Variants in MCPH1 observed in about 807,000 individuals in gnomAD.
The protein encoded by MCPH1 is microcephalin.
A neutral mutation model predicts 84.5 loss-of-function variants in MCPH1; 104 were observed. That is an observed-to-expected ratio of 1.23 (90% confidence interval 1.05 to 1.45). The LOEUF is 1.45. Ranked by LOEUF, MCPH1 falls within the 40% of genes most tolerant of loss-of-function variation. The pLI, the probability that MCPH1 is intolerant of heterozygous loss-of-function variation, is 0.00. For synonymous variants in MCPH1, 514 were observed against 366.8 expected, an observed-to-expected ratio of 1.40 and a Z score of -4.58; for missense variants, 1,498 against 1,005.7, an observed-to-expected ratio of 1.49 and a Z score of -6.62.
chr8:6,520,582 G>C (rs1428887388), intron 12 of MCPH1, among the ~76,000 whole-genome samples: 1 of 152,100 alleles, frequency 6.6e-6, no homozygotes, highest in Non-Finnish European at 1.5e-5. Context: ...TTTTAGTAGA[G>C]ACAGGATTTC....
rs1798069895 is a variant in MCPH1 at position 6,643,608 on chromosome 8, A to G, written c.*559A>G. 1 of 157,436 alleles carries G rather than the reference A, an allele frequency of 6.4e-6. No homozygotes were observed. Among genetic ancestry groups the G allele is most frequent in the East Asian group, 1.9e-4 (1 of 5,342 alleles). 9.8% of individuals were successfully genotyped at this position (157,436 alleles called of 1,614,324 possible). On this transcript the variant is annotated 3_prime_UTR_variant, in exon 14 of 14. Coordinates refer to ENST00000344683, the MANE Select transcript of MCPH1 (RefSeq NM_024596.5). ...CATTAGAGCACAGTACTGCCAAATA[A>G]AGAATGGAAATTCAATGACATTGTT...
At chr8:6,413,704 G>A (rs1798848862) in intron 2 of MCPH1, among the ~76,000 whole-genome samples, 1 of 150,674 alleles carries the variant, frequency 6.6e-6, no homozygotes, top group Admixed American at 6.6e-5. Context: ...GAGCTCTTTA[G>A]GATCCTATTA....
rs919872109 is a variant in MCPH1, at chr8:6,641,084, C to G, written c.2453-1910C>G. Among the ~76,000 whole-genome samples, 4 of 152,238 alleles carry G rather than the reference C, an allele frequency of 2.6e-5. No individual in the cohort carries two copies. In the East Asian group the frequency reaches 7.7e-4, roughly 29 times the overall value. The stretch of plus-strand genomic sequence containing the variant: ...CATCATTTCTCTTTTTAAAAATCAT[C>G]TTCCTATGCATTTTTTTCTTTCCTA... On this transcript the variant is annotated intron_variant, in intron 13 of 13. Transcript: ENST00000344683.
At chr8:6,505,311 CATATATATGTTATATACATATAGAAAGA>C (rs1813218245) in intron 12 of MCPH1, among the ~76,000 whole-genome samples, 1 of 39,260 alleles carries the variant, frequency 2.5e-5, no homozygotes, top group African/African-American at 1.5e-4. Flanking sequence ...ATGTATATAA[CATATATATGTTATATACATATAGAAAGA>C]ATATATATAT....
intron 12 of MCPH1, chr8:6,617,118 A>G (rs928869635): frequency 2.0e-5 from 3 of 152,112 alleles, no homozygotes; most frequent in Admixed American, 2.0e-4. Context: ...TTTGTCCATT[A>G]GCAAGTTTAT....
intron 3 of MCPH1, among the ~76,000 whole-genome samples, chr8:6,429,150 A>T (rs1801478814): frequency 6.6e-6 from 1 of 152,216 alleles, no homozygotes; most frequent in Non-Finnish European, 1.5e-5. Flanking sequence ...TTACATCATT[A>T]TGAATGTGGA....
intron 13 of MCPH1, chr8:6,625,854 G>C: frequency 2.0e-6 from 2 of 985,292 alleles, no homozygotes; most frequent in Non-Finnish European, 2.4e-6. Context: ...GTCTTGTTTT[G>C]CAGATGTCGT....
At chr8:6,543,994 C>T (rs763488582) in intron 12 of MCPH1, among the ~76,000 whole-genome samples, 1 of 152,158 alleles carries the variant, frequency 6.6e-6, no homozygotes, top group Non-Finnish European at 1.5e-5. Context: ...GCATTTTAAC[C>T]TTGTTTTAGA....
At chr8:6,590,606 A>C (rs571086778) in intron 12 of MCPH1, among the ~76,000 whole-genome samples, 1 of 152,376 alleles carries the variant, frequency 6.6e-6, no homozygotes, top group African/African-American at 2.4e-5. Flanking sequence ...TGCTGGATAC[A>C]AATCTGCAAT....
intron 12 of MCPH1, chr8:6,562,861 C>T: frequency 3.7e-6 from 6 of 1,613,180 alleles, no homozygotes; most frequent in Non-Finnish European, 5.1e-6. Flanking sequence ...GCTGTCCATG[C>T]TCTTCCGAAA....
chr8:6,455,335 A>G, intron 9 of MCPH1, 83 bp downstream of exon 9: 4 of 980,044 alleles, frequency 4.1e-6, no homozygotes, highest in South Asian at 1.3e-5. Context: ...AACATAAACC[A>G]GTCTATCTGA....
chr8:6,616,049 C>A (rs191779308), intron 12 of MCPH1: 1 of 152,134 alleles, frequency 6.6e-6, no homozygotes, highest in Non-Finnish European at 1.5e-5. Flanking sequence ...CATTACTGAG[C>A]GCTTTACCAG....
chr8:6,469,035 T>A (rs568812836), intron 9 of MCPH1, among the ~76,000 whole-genome samples: 62 of 151,970 alleles, frequency 4.1e-4, no homozygotes, highest in African/African-American at 1.5e-3. Flanking sequence ...CTAAAAATAA[T>A]TTTTTAAAAA....
intron 12 of MCPH1, among the ~76,000 whole-genome samples, chr8:6,576,498 T>TCCCTTCCCGTTC (rs1827111355): frequency 7.2e-6 from 1 of 139,712 alleles, no homozygotes; most frequent in African/African-American, 2.7e-5. Context: ...CTTTTCCCTT[T>TCCCTTCCCGTTC]CCCTTCCCCT....
At chr8:6,486,262 A>ATCTCTCTCTCTCTCTCTCTC (rs56247663) in intron 11 of MCPH1, among the ~76,000 whole-genome samples, 2 of 147,092 alleles carry the variant, frequency 1.4e-5, no homozygotes, top group African/African-American at 5.0e-5. Flanking sequence ...TGTACAAGGA[A>ATCTCTCTCTCTCTCTCTCTC]TCTCTCTCTC....
At chr8:6,494,858 A>T (rs1190847238) in intron 11 of MCPH1, among the ~76,000 whole-genome samples, 1 of 152,224 alleles carries the variant, frequency 6.6e-6, no homozygotes, top group Non-Finnish European at 1.5e-5. Context: ...ATAAAATGCC[A>T]TTGAATTGCA....
intron 9 of MCPH1, among the ~76,000 whole-genome samples, chr8:6,467,632 G>T (rs1056056172): frequency 6.6e-6 from 1 of 152,078 alleles, no homozygotes; most frequent in Non-Finnish European, 1.5e-5. Flanking sequence ...GTCTTGCTCT[G>T]TTGCCCAGGC....
chr8:6,491,908 G>A (rs1339542006), intron 11 of MCPH1, among the ~76,000 whole-genome samples: 2 of 152,120 alleles, frequency 1.3e-5, no homozygotes, highest in Non-Finnish European at 2.9e-5. Flanking sequence ...CCAAGTCTTT[G>A]CTATTGTAAA....
chr8:6,621,153 G>A, intron 12 of MCPH1: 1 of 431,108 alleles, frequency 2.3e-6, no homozygotes, highest in Non-Finnish European at 4.3e-6. Context: ...GCTCTGCTGT[G>A]CTAACAGTTG....
Sources: gnomAD v4.1 joint callset for allele counts (sites outside exome capture counted in the v4.1 genomes callset) on GRCh38, gnomAD v4.1.1 for gene constraint, MANE v1.5 for transcripts, NCBI Gene and HGNC (gene_info 2026-07-23, HGNC 2026-07-21) for gene names.